Variants in MICAL2 observed in about 807,000 individuals in gnomAD.
MICAL2 encodes [F-actin]-monooxygenase MICAL2.
MICAL2 carries 77 observed loss-of-function variants against 127.3 expected under a neutral mutation model. That is an observed-to-expected ratio of 0.60 (90% CI 0.50 to 0.73). The LOEUF (loss-of-function observed/expected upper bound fraction) is 0.73. Ranked by LOEUF, MICAL2 falls within the 30% of genes least tolerant of loss-of-function variation. The pLI, the probability that MICAL2 is intolerant of heterozygous loss-of-function variation, is 0.00. For synonymous variants in MICAL2, 570 were observed against 551.1 expected, an observed-to-expected ratio of 1.03 and a Z score of -0.48; for missense variants, 1,351 against 1,434.4, an observed-to-expected ratio of 0.94 and a Z score of 0.94.
At chr11:12,287,831 C>G (rs1170793777), downstream of MICAL2, among the ~76,000 whole-genome samples, 3 of 152,178 alleles carry the variant, frequency 2.0e-5, no homozygotes, top group Admixed American at 6.5e-5. Context: ...GCAGAGTTAC[C>G]TCCTCAGGCC....
intron 2 of MICAL2, among the ~76,000 whole-genome samples, chr11:12,152,297 C>CAA (rs540812572): frequency 0.033 from 1,281 of 38,346 alleles, 151 homozygotes; most frequent in African/African-American, 0.066. Context: ...GACTCTGTCT[C>CAA]AAAAAAAAAA....
At chr11:12,354,967 T>A (rs1282091855) in intron 34 of MICAL2, 7 of 1,005,896 alleles carry the variant, frequency 7.0e-6, no homozygotes, top group Non-Finnish European at 1.0e-5. Context: ...GCCTGCAAGT[T>A]AGAGGAAAGT....
At chr11:12,210,950 C>A (rs1435209672) in intron 6 of MICAL2, among the ~76,000 whole-genome samples, 1 of 152,198 alleles carries the variant, frequency 6.6e-6, no homozygotes, top group Non-Finnish European at 1.5e-5. Flanking sequence ...AAATATGTCT[C>A]CACACATCAC....
chr11:12,249,294 G>C, intron 22 of MICAL2, 48 bp downstream of exon 22: 1 of 1,123,226 alleles, frequency 8.9e-7, no homozygotes, highest in Non-Finnish European at 1.4e-6. Context: ...TGCAAAGGGG[G>C]ATTATCAGAC....
In MICAL2 at chr11:12,241,174, T is replaced by G. The variant is rs1342756682; in HGVS notation, c.2337+12T>G. Reference sequence around the variant, plus strand: ...CTCTGAAAAGGCAGGTAGGGCTCCTTCCAGTGGATGCTGTTTTGGTGAAGC... The same window carrying G: ...CTCTGAAAAGGCAGGTAGGGCTCCTGCCAGTGGATGCTGTTTTGGTGAAGC... On this transcript the variant is annotated intron_variant, in intron 18 of 27. Transcript: ENST00000683283. The G allele has an allele frequency of 6.2e-7, 1 of 1,610,804 alleles. No homozygotes were observed. Among genetic ancestry groups the G allele is most frequent in the Non-Finnish European group, 8.5e-7 (1 of 1,178,300 alleles).
At chr11:12,205,658 C>T (rs140163999) in intron 4 of MICAL2, among the ~76,000 whole-genome samples, 6 of 152,290 alleles carry the variant, frequency 3.9e-5, no homozygotes, top group Admixed American at 3.9e-4. Context: ...AATCCCTTAC[C>T]CTCTTCAAGC....
intron 2 of MICAL2, among the ~76,000 whole-genome samples, chr11:12,150,528 G>A (rs1272514431): frequency 6.6e-5 from 10 of 152,164 alleles, no homozygotes; most frequent in Non-Finnish European, 1.5e-4. Flanking sequence ...GCTCTGGGTG[G>A]GGCGGCTCTG....
At chr11:12,293,655 C>G (rs1863933289), downstream of MICAL2, 2 of 1,613,992 alleles carry the variant, frequency 1.2e-6, no homozygotes, top group South Asian at 2.2e-5. Context: ...CAAGGAGCAC[C>G]CAGGGAAATT....
intron 32 of MICAL2, among the ~76,000 whole-genome samples, chr11:12,327,528 C>T (rs1292326384): frequency 2.0e-5 from 3 of 152,200 alleles, no homozygotes; most frequent in Non-Finnish European, 2.9e-5. Flanking sequence ...TGTAACTGGG[C>T]GTCTGTTCAG....
chr11:12,213,509 C>A (rs185497520), intron 7 of MICAL2, 99 bp downstream of exon 7: 8 of 1,219,740 alleles, frequency 6.6e-6, no homozygotes, highest in African/African-American at 1.5e-5. Flanking sequence ...TCTTGGGCCT[C>A]GAGGGACTCA....
At chr11:12,302,701 T>A (rs564203819) in intron 29 of MICAL2, among the ~76,000 whole-genome samples, 1 of 152,156 alleles carries the variant, frequency 6.6e-6, no homozygotes, top group Non-Finnish European at 1.5e-5. Flanking sequence ...GTGTCTCTAA[T>A]AAAAGCCTGG....
upstream of MICAL2, among the ~76,000 whole-genome samples, chr11:12,273,440 C>G (rs1863693410): frequency 6.6e-6 from 1 of 152,110 alleles, no homozygotes; most frequent in Non-Finnish European, 1.5e-5. Flanking sequence ...CCTTCCATCC[C>G]CAGTTACACT....
At chr11:12,183,881 G>A (rs919776100) in intron 3 of MICAL2, among the ~76,000 whole-genome samples, 8 of 152,180 alleles carry the variant, frequency 5.3e-5, no homozygotes, top group Non-Finnish European at 1.2e-4. Context: ...CTGGGCTCAA[G>A]TGATCCTTCC....
chr11:12,114,383 T>C (rs1186920028), intron 1 of MICAL2, among the ~76,000 whole-genome samples: 1 of 152,244 alleles, frequency 6.6e-6, no homozygotes, highest in Admixed American at 6.5e-5. Context: ...ATATCCTTGA[T>C]TGTGTCAGAA....
intron 6 of MICAL2, 51 bp downstream of exon 6, chr11:12,209,649 G>C: frequency 4.7e-6 from 7 of 1,486,046 alleles, no homozygotes; most frequent in Non-Finnish European, 6.6e-6. Flanking sequence ...AATGGGAGAG[G>C]GTACATTGGG....
chr11:12,110,719 G>C lies in MICAL2; in HGVS notation c.-156G>C, dbSNP rs1013428925. The C allele has an allele frequency of 3.6e-4, 53 of 145,468 alleles. No individual in the cohort carries two copies. The highest frequency in any genetic ancestry group is 1.2e-3 in the African/African-American group (49 of 40,426). 9.0% of individuals were successfully genotyped at this position (145,468 alleles called of 1,614,324 possible). On this transcript the variant is annotated 5_prime_UTR_variant, in exon 1 of 28. Coordinates refer to ENST00000683283, the MANE Select transcript of MICAL2 (RefSeq NM_001282663.2). This position sits in a 1 kb window ranked among gnomAD's most constrained non-coding sequence, Gnocchi z 4.5. Reference sequence around the variant, plus strand: ...TGACCCGGGGCCGGGCAGCCCGCGCGACTTTCGGTAAGGCGGGGGCGGCGC... The same window carrying C: ...TGACCCGGGGCCGGGCAGCCCGCGCCACTTTCGGTAAGGCGGGGGCGGCGC...
chr11:12,275,966 C>A (rs966020954), upstream of MICAL2: 5 of 399,242 alleles, frequency 1.3e-5, no homozygotes, highest in Non-Finnish European at 4.4e-6. Context: ...TCTCTCTAGA[C>A]CCTGCTCTCC....
At chr11:12,152,634 T>C (rs1156403757) in intron 2 of MICAL2, among the ~76,000 whole-genome samples, 1 of 152,032 alleles carries the variant, frequency 6.6e-6, no homozygotes, top group Non-Finnish European at 1.5e-5. Flanking sequence ...GGTGAGAGTC[T>C]GGGGAAGACA....
rs371724878 is a variant in MICAL2, at chr11:12,138,194, A to G, written c.-148-196A>G. On this transcript the variant is annotated intron_variant, in intron 1 of 27. Coordinates refer to ENST00000683283, the MANE Select transcript of MICAL2 (RefSeq NM_001282663.2). ...AGCCAACAATAGAATTTGTTTAGCC[A>G]TCTTGCTATTCCTTTCTTCACGTGC... Among the ~76,000 whole-genome samples, 30 of 151,746 alleles carry G rather than the reference A, an allele frequency of 2.0e-4. 1 individual carries two copies. The East Asian group carries it at 5.0e-3, about 25-fold the overall frequency.
Sources: allele counts gnomAD v4.1 joint callset (sites outside exome capture counted in the v4.1 genomes callset), GRCh38; gene constraint gnomAD v4.1.1; non-coding constraint Gnocchi (gnomAD v3.1); transcripts MANE v1.5; gene names NCBI Gene and HGNC (gene_info 2026-07-23, HGNC 2026-07-21).